The following ZNF469 variants were observed in gnomAD, a reference collection of about 807,000 sequenced individuals.
The protein encoded by ZNF469 is zinc finger protein 469.
Under a neutral mutation model 1.0 loss-of-function variants are expected in ZNF469, and 1 was observed. That is an observed-to-expected ratio of 1.00 (90% CI 0.35 to 4.73). ZNF469 has a LOEUF of 4.73. Among genes scored for constraint, ZNF469 ranks in the 30% most tolerant of loss-of-function variants. The pLI is 0.16. For synonymous variants in ZNF469, 2,703 were observed against 2,363.4 expected (o/e 1.14, Z -4.17); for missense variants, 6,100 against 5,356.3 (o/e 1.14, Z -4.33).
chr16:88,218,607 G>A, the ZNF469 span, among the ~76,000 whole-genome samples: 1 of 151,504 alleles, frequency 6.6e-6, no homozygotes, highest in Non-Finnish European at 1.5e-5. Flanking sequence ...AGGTATTGAT[G>A]GGACGTATTT....
In ZNF469 at chr16:88,436,700, A is replaced by G. The variant is rs376981441; in HGVS notation, c.9230A>G (p.Asp3077Gly). The change falls in exon 3 of 3, where the codon GAC becomes GGC. Residue 3077 changes from aspartate (D) to glycine (G), a missense_variant. Physicochemically the swap from Asp to Gly is moderately conservative, Grantham distance 94. Coordinates refer to ENST00000565624, the MANE Select transcript of ZNF469 (RefSeq NM_001367624.2). ...PVGLPGPSFL[D>G]FEGTASSQGP... ...GGTCTCCCCGGCCCCAGCTTCTTAG[A>G]CTTCGAGGGCACGGCGAGCTCACAG... The G allele has an allele frequency of 1.7e-5, 26 of 1,549,880 alleles. No individual in the cohort carries two copies. The African/African-American group carries it at 2.6e-4, about 15-fold the overall frequency.
Position 88,435,948 on chromosome 16 carries a change from C to T in ZNF469, c.8478C>T (p.Asp2826=). The T allele has an allele frequency of 6.5e-7, 1 of 1,550,156 alleles. No homozygotes were observed. Among genetic ancestry groups the T allele is most frequent in the Non-Finnish European group, 8.7e-7 (1 of 1,146,984 alleles). The change falls in exon 3 of 3, where the codon GAC becomes GAT. Residue 2826 remains aspartate, a synonymous_variant. Coordinates refer to ENST00000565624, the MANE Select transcript of ZNF469 (RefSeq NM_001367624.2). ...TCCAGGGCCTCCCGGACAACCCAGA[C>T]ACCCAGGGTGGAGTCCAGGGGCCTG... The part of the protein sequence containing the change: ...SCLQGLPDNP[D]TQGGVQGPEG...
At chr16:88,190,708 A>T in the ZNF469 span, among the ~76,000 whole-genome samples, 2 of 152,148 alleles carry the variant, frequency 1.3e-5, no homozygotes, top group Admixed American at 1.3e-4. Flanking sequence ...CTGTTGGAGA[A>T]CTCAACAGAG....
At chr16:88,136,105 T>A in the ZNF469 span, among the ~76,000 whole-genome samples, 1 of 152,150 alleles carries the variant, frequency 6.6e-6, no homozygotes, top group East Asian at 1.9e-4. Flanking sequence ...GTCCCCCAGT[T>A]GTCCACGTCC....
chr16:88,392,269 G>A (rs1904512568), intron 1 of ZNF469, among the ~76,000 whole-genome samples: 1 of 152,252 alleles, frequency 6.6e-6, no homozygotes, highest in Non-Finnish European at 1.5e-5. Flanking sequence ...AACGCTCCGT[G>A]GCCACGTATG....
chr16:88,111,513 C>T, the ZNF469 span, among the ~76,000 whole-genome samples: 9 of 19,618 alleles, frequency 4.6e-4, no homozygotes, highest in Non-Finnish European at 1.6e-3. Flanking sequence ...CTTTTTGTAC[C>T]CATTAACATC....
the ZNF469 span, among the ~76,000 whole-genome samples, chr16:88,132,700 A>AG: frequency 1.3e-5 from 2 of 152,112 alleles, no homozygotes; most frequent in Admixed American, 6.5e-5. Context: ...AACTAAATGG[A>AG]GACATAAGTG....
the ZNF469 span, among the ~76,000 whole-genome samples, chr16:88,275,325 C>T: frequency 6.6e-6 from 1 of 152,236 alleles, no homozygotes; most frequent in Non-Finnish European, 1.5e-5. Context: ...GTGCTCTGCA[C>T]TTTTACATGT....
At chr16:88,141,536 C>T in the ZNF469 span, among the ~76,000 whole-genome samples, 30,149 of 46,316 alleles carry the variant, frequency 0.65, 11,797 homozygotes, top group Non-Finnish European at 0.83. Flanking sequence ...TGCTATGAAA[C>T]GCTCAGCCTG....
At chr16:88,218,660 C>T in the ZNF469 span, among the ~76,000 whole-genome samples, 1 of 149,870 alleles carries the variant, frequency 6.7e-6, no homozygotes, top group South Asian at 2.1e-4. Flanking sequence ...CAGCCAATAT[C>T]ATACTGAATG....
chr16:88,259,308 C>T, the ZNF469 span, among the ~76,000 whole-genome samples: 16 of 148,512 alleles, frequency 1.1e-4, no homozygotes, highest in African/African-American at 3.7e-4. This position sits in a 1 kb window ranked among gnomAD's most constrained non-coding sequence, Gnocchi z 4.1. Flanking sequence ...GAAGGGTCGA[C>T]GCCCCCTCCT....
chr16:88,252,927 T>G, the ZNF469 span, among the ~76,000 whole-genome samples: 2 of 152,252 alleles, frequency 1.3e-5, no homozygotes, highest in African/African-American at 4.8e-5. Context: ...TTTCTGCCTT[T>G]TCTTGAACTT....
the ZNF469 span, among the ~76,000 whole-genome samples, chr16:88,201,003 C>T: frequency 1.3e-5 from 2 of 152,344 alleles, no homozygotes; most frequent in African/African-American, 2.4e-5. This position sits in a 1 kb window ranked among gnomAD's most constrained non-coding sequence, Gnocchi z 5.0. Flanking sequence ...AGCTGACTCC[C>T]GTCTTTCTTT....
chr16:88,146,168 A>T, the ZNF469 span, among the ~76,000 whole-genome samples: 2 of 152,182 alleles, frequency 1.3e-5, no homozygotes, highest in Admixed American at 1.3e-4. Flanking sequence ...CTGCTCAGGC[A>T]TCCATGCACC....
the ZNF469 span, among the ~76,000 whole-genome samples, chr16:88,234,514 G>A: frequency 6.6e-6 from 1 of 152,206 alleles, no homozygotes; most frequent in Non-Finnish European, 1.5e-5. Context: ...ATCTCGCAGC[G>A]CAGACCGGGG....
At chr16:88,324,039 A>G in the ZNF469 span, among the ~76,000 whole-genome samples, 1 of 152,340 alleles carries the variant, frequency 6.6e-6, no homozygotes, top group East Asian at 1.9e-4. Flanking sequence ...AGCTCACCTC[A>G]GTGACACAGG....
At chr16:88,224,341 G>C in the ZNF469 span, among the ~76,000 whole-genome samples, 1 of 152,228 alleles carries the variant, frequency 6.6e-6, no homozygotes, top group Admixed American at 6.5e-5. Context: ...CAGCACCGCG[G>C]GGCCCCGCAG....
intron 1 of ZNF469, among the ~76,000 whole-genome samples, chr16:88,389,835 G>A (rs954250166): frequency 1.3e-5 from 2 of 152,244 alleles, no homozygotes; most frequent in South Asian, 2.1e-4. Flanking sequence ...AGGCTCCCCC[G>A]CTGTGCCTCC....
chr16:88,151,418 T>C, the ZNF469 span, among the ~76,000 whole-genome samples: 1 of 152,232 alleles, frequency 6.6e-6, no homozygotes, highest in East Asian at 1.9e-4. The surrounding 1 kb of genome is among the most constrained non-coding windows in gnomAD (Gnocchi z 5.4). Flanking sequence ...TGTTTCCCGA[T>C]GGAACGGCGG....
Sources: gnomAD v4.1 joint callset for allele counts (sites outside exome capture counted in the v4.1 genomes callset) on GRCh38, gnomAD v4.1.1 for gene constraint, Gnocchi (gnomAD v3.1) non-coding constraint, MANE v1.5 for transcripts, NCBI Gene and HGNC (gene_info 2026-07-23, HGNC 2026-07-21) for gene names.